KAZN: variants seen among roughly 807,000 people sequenced by gnomAD.
KAZN encodes kazrin, periplakin interacting protein.
KAZN carries 40 observed loss-of-function variants against 87.4 expected under a neutral mutation model. That is an observed-to-expected ratio of 0.46 (90% CI 0.36 to 0.60). The LOEUF (loss-of-function observed/expected upper bound fraction) is 0.60, where lower values mean the gene tolerates loss of function less well. Ranked by LOEUF, KAZN falls within the 20% of genes least tolerant of loss-of-function variation. The pLI, the probability that KAZN is intolerant of heterozygous loss-of-function variation, is 0.00. For missense variants in KAZN, 898 were observed against 1,073.9 expected (o/e 0.84, Z 2.29); for synonymous variants, 466 against 458.3 (o/e 1.02, Z -0.22).
chr1:14,736,736 G>T (rs1329799474), intron 1 of KAZN, among the ~76,000 whole-genome samples: 1 of 152,104 alleles, frequency 6.6e-6, no homozygotes, highest in Non-Finnish European at 1.5e-5. Context: ...TTCAGCCCAG[G>T]ATGTGCAAGG....
intron 1 of KAZN, among the ~76,000 whole-genome samples, chr1:13,949,694 C>T (rs563513088): frequency 1.3e-4 from 20 of 152,122 alleles, no homozygotes; most frequent in Non-Finnish European, 2.2e-4. Flanking sequence ...ATGAATATAC[C>T]TTATGATGGA....
intron 1 of KAZN, among the ~76,000 whole-genome samples, chr1:14,028,741 C>G (rs1425915462): frequency 6.6e-6 from 1 of 152,112 alleles, no homozygotes; most frequent in African/African-American, 2.4e-5. Context: ...AAAAGGTTTG[C>G]CTTTAAATGT....
chr1:14,969,326 G>A (rs376320804), intron 2 of KAZN, among the ~76,000 whole-genome samples: 235 of 152,318 alleles, frequency 1.5e-3, no homozygotes, highest in African/African-American at 4.8e-3. Context: ...CATCAAAGAC[G>A]TGTTCATCTT....
At chr1:14,985,166 A>T (rs1244393774) in intron 2 of KAZN, among the ~76,000 whole-genome samples, 1 of 147,686 alleles carries the variant, frequency 6.8e-6, no homozygotes, top group Non-Finnish European at 1.5e-5. Flanking sequence ...GGGGTCGGGG[A>T]GGAAGAGAAG....
At chr1:14,348,999 GT>G (rs1416828203) in intron 2 of KAZN, 1 of 152,230 alleles carries the variant, frequency 6.6e-6, no homozygotes, top group Non-Finnish European at 1.5e-5. Flanking sequence ...TACTGAGTGT[GT>G]TTTGTGTGTT....
intron 2 of KAZN, among the ~76,000 whole-genome samples, chr1:14,426,449 C>G (rs1481700911): frequency 6.6e-6 from 1 of 152,202 alleles, no homozygotes; most frequent in Admixed American, 6.5e-5. Flanking sequence ...TAATTCATAA[C>G]TCTATGCCCA....
chr1:14,554,349 C>T (rs1024335832), intron 2 of KAZN, among the ~76,000 whole-genome samples: 1 of 152,168 alleles, frequency 6.6e-6, no homozygotes, highest in Non-Finnish European at 1.5e-5. Context: ...ACCCAGGCAT[C>T]CCCACCTAAA....
intron 2 of KAZN, among the ~76,000 whole-genome samples, chr1:15,031,108 C>T (rs570313096): frequency 9.8e-5 from 15 of 152,348 alleles, no homozygotes; most frequent in African/African-American, 3.6e-4. Context: ...ACAGTCATTG[C>T]CATCCCATAT....
At chr1:14,523,218 C>T (rs1571858247) in intron 2 of KAZN, among the ~76,000 whole-genome samples, 1 of 152,200 alleles carries the variant, frequency 6.6e-6, no homozygotes, top group South Asian at 2.1e-4. Flanking sequence ...TGCTGCCTCC[C>T]CTAGCTGTCA....
intron 1 of KAZN, chr1:14,124,159 A>C (rs887418818): frequency 3.3e-5 from 5 of 152,208 alleles, no homozygotes; most frequent in Non-Finnish European, 7.3e-5. Flanking sequence ...ATTTGGTGCC[A>C]CCTGTTTTGC....
intron 1 of KAZN, among the ~76,000 whole-genome samples, chr1:14,029,862 G>A (rs1164307253): frequency 1.3e-5 from 2 of 152,158 alleles, no homozygotes; most frequent in Non-Finnish European, 2.9e-5. Flanking sequence ...GTACCATGCT[G>A]TTTCGGTTAC....
chr1:14,296,384 G>A (rs111850346), intron 2 of KAZN, among the ~76,000 whole-genome samples: 2 of 151,950 alleles, frequency 1.3e-5, no homozygotes, highest in African/African-American at 2.4e-5. Flanking sequence ...TAAACCCCAC[G>A]TCTACACTTT....
chr1:14,172,927 C>T (rs532828445), intron 1 of KAZN, among the ~76,000 whole-genome samples: 48 of 152,286 alleles, frequency 3.2e-4, no homozygotes, highest in African/African-American at 9.4e-4. Context: ...CCAAGTATGG[C>T]GGTCTCAGGT....
At chr1:14,603,718 G>A (rs2148605396) in intron 1 of KAZN, among the ~76,000 whole-genome samples, 1 of 152,262 alleles carries the variant, frequency 6.6e-6, no homozygotes, top group Non-Finnish European at 1.5e-5. Flanking sequence ...AGGCATGATA[G>A]GCCCTCTCTC....
intron 1 of KAZN, chr1:14,924,354 G>C (rs1379361811): frequency 1.0e-6 from 1 of 988,488 alleles, no homozygotes; most frequent in East Asian, 1.1e-4. Flanking sequence ...GCGTCCCCCC[G>C]GGCACCCGGC....
chr1:14,598,585 G>A (rs891102133), upstream of KAZN: 9 of 882,586 alleles, frequency 1.0e-5, no homozygotes, highest in African/African-American at 1.3e-4. The surrounding 1 kb of genome is among the most constrained non-coding windows in gnomAD (Gnocchi z 4.2). Context: ...ACGGGGGCGC[G>A]GGAGGCCAAG....
intron 1 of KAZN, among the ~76,000 whole-genome samples, chr1:14,779,768 G>A (rs1645279335): frequency 6.6e-6 from 1 of 152,188 alleles, no homozygotes; most frequent in Non-Finnish European, 1.5e-5. Flanking sequence ...TTATTCAGTA[G>A]AGAATTTGTT....
At chr1:15,018,106 C>A (rs1246325094) in intron 2 of KAZN, among the ~76,000 whole-genome samples, 3 of 151,992 alleles carry the variant, frequency 2.0e-5, no homozygotes, top group Non-Finnish European at 2.9e-5. Flanking sequence ...AGCTTTTTTT[C>A]AATAAGACAA....
chr1:14,100,709 G>A (rs1169410498), intron 1 of KAZN, among the ~76,000 whole-genome samples: 1 of 152,184 alleles, frequency 6.6e-6, no homozygotes, highest in Non-Finnish European at 1.5e-5. Flanking sequence ...AGAAACAGGT[G>A]TTCAGCCTAA....
Sources: allele counts gnomAD v4.1 joint callset (sites outside exome capture counted in the v4.1 genomes callset), GRCh38; gene constraint gnomAD v4.1.1; non-coding constraint Gnocchi (gnomAD v3.1); transcripts MANE v1.5; gene names NCBI Gene and HGNC (gene_info 2026-07-23, HGNC 2026-07-21).